RASA3: variants seen among roughly 807,000 people sequenced by gnomAD.
RASA3 encodes RAS p21 protein activator 3.
In RASA3, 73 loss-of-function variants were observed where a neutral mutation model predicts 110.0. The ratio of observed to expected loss-of-function variants is 0.66; its 90% confidence interval spans 0.55 to 0.81. The LOEUF (loss-of-function observed/expected upper bound fraction) is 0.81, where lower values mean the gene tolerates loss of function less well. RASA3 is among the 30% of genes least tolerant of loss of function. The pLI is 0.00. For synonymous variants in RASA3, 500 were observed against 451.4 expected, an observed-to-expected ratio of 1.11 and a Z score of -1.37; for missense variants, 976 against 1,113.2, an observed-to-expected ratio of 0.88 and a Z score of 1.75.
chr13:114,064,694 G>C (rs970522476), intron 2 of RASA3, among the ~76,000 whole-genome samples: 2 of 152,214 alleles, frequency 1.3e-5, no homozygotes, highest in Non-Finnish European at 2.9e-5. Context: ...TGGACTCAAA[G>C]GGGCCACACA....
chr13:114,122,350 C>T (rs773922567), intron 1 of RASA3, among the ~76,000 whole-genome samples: 6 of 152,262 alleles, frequency 3.9e-5, no homozygotes, highest in African/African-American at 1.2e-4. Context: ...GAGAGTCCGG[C>T]ATGGCCAGTC....
intron 18 of RASA3, among the ~76,000 whole-genome samples, chr13:114,005,444 G>T (rs1017631131): frequency 6.6e-6 from 1 of 152,172 alleles, no homozygotes; most frequent in South Asian, 2.1e-4. Context: ...GAAACACGGG[G>T]TGGCTGTGGG....
intron 4 of RASA3, among the ~76,000 whole-genome samples, chr13:114,038,250 C>T (rs546575422): frequency 7.9e-5 from 12 of 152,354 alleles, no homozygotes; most frequent in Admixed American, 4.6e-4. Context: ...CTCGCCGACA[C>T]GCAGGCGGGA....
chr13:114,107,055 G>C (rs1021766940), intron 1 of RASA3, among the ~76,000 whole-genome samples: 10 of 152,188 alleles, frequency 6.6e-5, no homozygotes, highest in African/African-American at 2.4e-4. Flanking sequence ...CTCCTCTCTC[G>C]TGCACGGCCA....
chr13:114,113,191 G>C (rs910968112), intron 1 of RASA3, among the ~76,000 whole-genome samples: 2 of 152,198 alleles, frequency 1.3e-5, no homozygotes, highest in African/African-American at 4.8e-5. Flanking sequence ...CTGAATGTAA[G>C]TTTGTCTGCT....
At position 113,992,525 on chromosome 13, in the gene RASA3, G is replaced by C; in HGVS notation, c.2205C>G (p.Ser735=). 6.2e-7 allele frequency: 1 copy of C among 1,613,574 alleles called. No homozygotes were observed. Among genetic ancestry groups the C allele is most frequent in the Non-Finnish European group, 8.5e-7 (1 of 1,179,948 alleles). ...DGDRETERIY[S]LFNLYMSKLE... is the part of the protein sequence containing the mutation. ...GCTTGCTCATGTACAAGTTGAAGAG[G>C]GAGTAGATACGCTCCGTCTCACGGT... The change falls in exon 22 of 24, where the codon TCC becomes TCG. Residue 735 remains serine, a synonymous_variant. Coordinates refer to ENST00000334062, the MANE Select transcript of RASA3 (RefSeq NM_007368.4).
At position 114,013,164 on chromosome 13, in the gene RASA3, A is replaced by T. The variant is rs2053678497; in HGVS notation, c.1490T>A (p.Phe497Tyr). 6.2e-7 allele frequency: 1 copy of T among 1,613,300 alleles called. No individual in the cohort carries two copies. Among genetic ancestry groups the T allele is most frequent in the Non-Finnish European group, 8.5e-7 (1 of 1,179,744 alleles). ...FAPAILSPNL[F>Y]QLTPHHTDPQ... ...CACCGTGTGGTGCGGCGTGAGCTGG[A>T]AGAGGTTGGGGGAGAGAATGGCGGG... is the stretch of plus-strand genomic sequence containing the variant. Residue 497 changes from phenylalanine to tyrosine, a missense_variant, in exon 15 of 24, where the codon TTC becomes TAC. By Grantham distance (22) the Phe-to-Tyr change is conservative. Around this residue, in one of 4 missense-constraint regions of RASA3, gnomAD observed 732 missense variants for 779.7 expected, o/e 0.94. Transcript: ENST00000334062.
rs116302376 is a variant in RASA3, at chr13:114,076,845, A to C, written c.56-3008T>G. The stretch of plus-strand genomic sequence containing the variant: ...GCTTCTGCAGCAGATAGAAGTCCTT[A>C]CCCTCAAACACAGCTTGACTTTGCT... On this transcript the variant is annotated intron_variant, in intron 1 of 23. Coordinates refer to ENST00000334062, the MANE Select transcript of RASA3 (RefSeq NM_007368.4). Among the ~76,000 whole-genome samples, 254 of 152,208 alleles carry C rather than the reference A, an allele frequency of 1.7e-3. 1 individual carries two copies. Among genetic ancestry groups the C allele is most frequent in the African/African-American group, 5.7e-3 (238 of 41,506 alleles).
rs1258743010 is a variant in RASA3 at position 114,011,361 on chromosome 13, A to G, written c.1513-113T>C. On this transcript the variant is annotated intron_variant, in intron 15 of 23. Transcript: ENST00000334062. This position sits in a 1 kb window ranked among gnomAD's most constrained non-coding sequence, Gnocchi z 4.8. ...ACCTCAGAGCTGCTGTGGCTTGTGC[A>G]TGAGCTACGGAGAAACAGGGGTAGC... 4 of 937,664 alleles carry G rather than the reference A, an allele frequency of 4.3e-6. No individual in the cohort carries two copies. The highest frequency in any genetic ancestry group is 3.2e-5 in the African/African-American group (2 of 62,018). The allele number at this position is 937,664 out of a possible 1,614,324, so 58.1% of individuals were successfully genotyped here. A position where few individuals can be genotyped will look rare whatever the true frequency, so the allele number is the denominator to read the frequency against.
chr13:114,045,889 G>A (rs1487691366), intron 3 of RASA3, among the ~76,000 whole-genome samples: 1 of 151,940 alleles, frequency 6.6e-6, no homozygotes, highest in Admixed American at 6.6e-5. Context: ...AAAATGTGTA[G>A]GCTGAAAACA....
At chr13:114,018,631 G>T in intron 10 of RASA3, 132 bp downstream of exon 10, 2 of 1,180,618 alleles carry the variant, frequency 1.7e-6, no homozygotes, top group Non-Finnish European at 2.3e-6. Flanking sequence ...CGGGAAACAG[G>T]CCAGGCTGGG....
At chr13:114,093,470 C>A (rs2079909414) in intron 1 of RASA3, among the ~76,000 whole-genome samples, 1 of 152,316 alleles carries the variant, frequency 6.6e-6, no homozygotes, top group South Asian at 2.1e-4. Context: ...TGCTTCTTTT[C>A]TCTTGCTGCT....
intron 2 of RASA3, among the ~76,000 whole-genome samples, chr13:114,055,747 C>T (rs1449085946): frequency 6.6e-6 from 1 of 152,168 alleles, no homozygotes; most frequent in Non-Finnish European, 1.5e-5. Flanking sequence ...CGTTCGCTCC[C>T]GGCAGAGCCC....
chr13:113,990,992 C>T (rs2053097216), intron 22 of RASA3, among the ~76,000 whole-genome samples: 1 of 148,906 alleles, frequency 6.7e-6, no homozygotes, highest in Non-Finnish European at 1.5e-5. Flanking sequence ...TGCACGGACA[C>T]CCAGGGCATG....
In RASA3 at chr13:114,015,249, G is replaced by A. The variant is rs780520435; in HGVS notation, c.1365C>T (p.Ile455=). The A allele has an allele frequency of 5.0e-6, 8 of 1,613,114 alleles. No homozygotes were observed. The Admixed American group carries it at 5.0e-5, about 10-fold the overall frequency. ...CCGCCGCCTCCCGGAGGGAGAAGAAGATGTCACACATGACGGTCGGGCAGC... is the reference window on the plus strand; with the variant it reads ...CCGCCGCCTCCCGGAGGGAGAAGAAAATGTCACACATGACGGTCGGGCAGC... ...GVSCPTVMCD[I]FFSLREAAAK... The change falls in exon 14 of 24, where the codon ATC becomes ATT. Residue 455 remains isoleucine, a synonymous_variant. Coordinates refer to ENST00000334062, the MANE Select transcript of RASA3 (RefSeq NM_007368.4).
chr13:114,059,609 G>A (rs1323917262), intron 2 of RASA3, among the ~76,000 whole-genome samples: 1 of 152,262 alleles, frequency 6.6e-6, no homozygotes, highest in African/African-American at 2.4e-5. Context: ...AGGGCGCTCG[G>A]CTGGGGAAGG....
rs554923229 is a variant in RASA3, at chr13:114,026,797, G to A, written c.603+592C>T. On this transcript the variant is annotated intron_variant, in intron 7 of 23. Coordinates refer to ENST00000334062, the MANE Select transcript of RASA3 (RefSeq NM_007368.4). ...CCCTGCACACAGCTGTCCCCAAACC[G>A]CACCGGCCACATGGCAGGTCCTCAC... Among the ~76,000 whole-genome samples, 20 of 152,264 alleles carry A rather than the reference G, an allele frequency of 1.3e-4. No individual in the cohort carries two copies. In the South Asian group the frequency reaches 3.3e-3, roughly 25 times the overall value.
chr13:113,998,937 G>C (rs1246752357), intron 20 of RASA3, among the ~76,000 whole-genome samples: 2 of 152,236 alleles, frequency 1.3e-5, no homozygotes, highest in Non-Finnish European at 2.9e-5. Context: ...GACGTGCGAT[G>C]GTGGCTGCTG....
At chr13:113,980,256 C>T (rs1482039825) in intron 23 of RASA3, among the ~76,000 whole-genome samples, 1 of 139,608 alleles carries the variant, frequency 7.2e-6, no homozygotes, top group South Asian at 2.3e-4. Flanking sequence ...TGTGTGCCTT[C>T]TCCCACATGT....
Sources: gnomAD v4.1 joint callset for allele counts (sites outside exome capture counted in the v4.1 genomes callset) on GRCh38, gnomAD v4.1.1 for gene constraint, gnomAD v4.1.1 regional missense constraint, Gnocchi (gnomAD v3.1) non-coding constraint, MANE v1.5 for transcripts, NCBI Gene and HGNC (gene_info 2026-07-23, HGNC 2026-07-21) for gene names.